ALG9: variants seen among roughly 807,000 people sequenced by gnomAD.
ALG9 encodes ALG9 alpha-1,2-mannosyltransferase, also known as alpha-1,2-mannosyltransferase ALG9.
ALG9 carries 55 observed loss-of-function variants against 81.8 expected under a neutral mutation model. The ratio of observed to expected loss-of-function variants is 0.67; its 90% CI spans 0.54 to 0.84. The LOEUF is 0.84. Ranked by LOEUF, ALG9 falls within the 40% of genes least tolerant of loss-of-function variation. The pLI, the probability that ALG9 is intolerant of heterozygous loss-of-function variation, is 0.00. For missense variants in ALG9, 629 were observed against 745.0 expected (o/e 0.84, Z 1.81); for synonymous variants, 278 against 274.3 (o/e 1.01, Z -0.13).
chr11:111,787,775 A>G lies in ALG9; in HGVS notation c.1734-1255T>C, dbSNP rs573687999. Among the ~76,000 whole-genome samples, 5 of 152,240 alleles carry G rather than the reference A, an allele frequency of 3.3e-5. No homozygotes were observed. In the East Asian group the frequency reaches 9.7e-4, roughly 29 times the overall value. On this transcript the variant is annotated intron_variant, in intron 14 of 14. Transcript: ENST00000616540. ...ACCTGGCAAAAAATAAATTAAAAAAATAAAAAATAAAAATAAATATATGAT... is the reference window on the plus strand; with the variant it reads ...ACCTGGCAAAAAATAAATTAAAAAAGTAAAAAATAAAAATAAATATATGAT...
At position 111,853,363 on chromosome 11, in the gene ALG9, A is replaced by C. The variant is rs782214009; in HGVS notation, c.895+17T>G. 1 of 1,603,996 alleles carries C rather than the reference A, an allele frequency of 6.2e-7. No individual in the cohort carries two copies. Among genetic ancestry groups the C allele is most frequent in the Non-Finnish European group, 8.5e-7 (1 of 1,171,050 alleles). ...AAGCTATCTCCTAACACTTGCCCAA[A>C]TTTCACAAAGCCTTACCATAAAGAT... On this transcript the variant is annotated intron_variant, in intron 8 of 14. Transcript: ENST00000616540.
chr11:111,795,540 T>TCC (rs1268902037), intron 14 of ALG9, among the ~76,000 whole-genome samples: 11 of 152,266 alleles, frequency 7.2e-5, no homozygotes, highest in Admixed American at 2.0e-4. Context: ...ATCAGCATTA[T>TCC]CCATGTGACC....
the ALG9 span, among the ~76,000 whole-genome samples, chr11:111,772,946 T>C: frequency 6.6e-6 from 1 of 151,996 alleles, no homozygotes. Flanking sequence ...TGTTAGAAGT[T>C]GTGTTATTTA....
At chr11:111,849,701 T>A (rs1331734915) in intron 8 of ALG9, 1 of 151,826 alleles carries the variant, frequency 6.6e-6, no homozygotes. Context: ...ATCGTTCAGC[T>A]CCCATTTATA....
chr11:111,780,269 T>C (rs1291648699), downstream of ALG9, among the ~76,000 whole-genome samples: 2 of 152,192 alleles, frequency 1.3e-5, no homozygotes, highest in Non-Finnish European at 2.9e-5. Context: ...GCTACCCTTC[T>C]AAAATGCTTT....
Position 111,871,536 on chromosome 11 carries a change from G to C in ALG9, c.-54C>G, listed in dbSNP as rs1306581923. ...ACCCTATGAAGTCGGTGAGCGCGCA[G>C]ACATAGCTTTGGCTGGCAAACGGTG... is the stretch of plus-strand genomic sequence containing the variant. On this transcript the variant is annotated 5_prime_UTR_variant, in exon 1 of 15. Transcript: ENST00000616540. 2 of 1,534,582 alleles carry C rather than the reference G, an allele frequency of 1.3e-6. No individual in the cohort carries two copies. Among genetic ancestry groups the C allele is most frequent in the Non-Finnish European group, 8.7e-7 (1 of 1,145,958 alleles).
chr11:111,805,428 T>C (rs1949777444), intron 14 of ALG9: 1 of 435,008 alleles, frequency 2.3e-6, no homozygotes, highest in Non-Finnish European at 4.6e-6. Flanking sequence ...TGTCCTTCAG[T>C]AGGTGAATAA....
intron 13 of ALG9, among the ~76,000 whole-genome samples, chr11:111,819,347 G>A (rs1245705144): frequency 6.6e-6 from 1 of 152,172 alleles, no homozygotes; most frequent in Non-Finnish European, 1.5e-5. Flanking sequence ...AGAGATCTCT[G>A]GCAAGGGCCA....
downstream of ALG9, among the ~76,000 whole-genome samples, chr11:111,778,657 A>G (rs540282327): frequency 6.6e-5 from 10 of 152,056 alleles, no homozygotes; most frequent in Non-Finnish European, 1.2e-4. Flanking sequence ...TTAGTCTCTC[A>G]GTCTTTATCC....
At position 111,838,355 on chromosome 11, in the gene ALG9, T is replaced by C. The variant is rs1048321007; in HGVS notation, c.1218A>G (p.Gln406=). 22 of 1,613,616 alleles carry C rather than the reference T, an allele frequency of 1.4e-5. No homozygotes were observed. Among genetic ancestry groups the C allele is most frequent in the African/African-American group, 8.0e-5 (6 of 74,926 alleles). ...CAGTATAGTGCTCCAGGCGATATCG[T>C]TGAAACACAAAGTGGTAACATTTCT... The part of the protein sequence containing the change: ...YFQKCYHFVF[Q]RYRLEHYTVT... The change falls in exon 11 of 15, where the codon CAA becomes CAG. Residue 406 remains glutamine (Q), a synonymous_variant. Coordinates refer to ENST00000616540, the MANE Select transcript of ALG9 (RefSeq NM_024740.2).
chr11:111,838,303 T>G lies in ALG9; in HGVS notation c.1270A>C (p.Thr424Pro). 6.2e-7 allele frequency: 1 copy of G among 1,614,152 alleles called. No individual in the cohort carries two copies. The highest frequency in any genetic ancestry group is 8.5e-7 in the Non-Finnish European group (1 of 1,180,002). ...TVTSNWLALGTVFLFGLLSFS... is the reference protein window; with the variant it reads ...TVTSNWLALGPVFLFGLLSFS... Reference sequence around the variant, plus strand: ...GACAAGAGCCCAAACAGGAAGACAGTTCCTAATGCCAGCCAATTCGATGTC... The same window carrying G: ...GACAAGAGCCCAAACAGGAAGACAGGTCCTAATGCCAGCCAATTCGATGTC... Residue 424 changes from threonine (T) to proline (P), a missense_variant, in exon 11 of 15, where the codon ACT (threonine) becomes CCT (proline). Around this residue, in one of 3 missense-constraint regions of ALG9, gnomAD observed 264 missense variants for 302.2 expected, o/e 0.87. Coordinates refer to ENST00000616540, the MANE Select transcript of ALG9 (RefSeq NM_024740.2).
At chr11:111,842,476 T>C (rs772430230) in intron 9 of ALG9, among the ~76,000 whole-genome samples, 1 of 152,006 alleles carries the variant, frequency 6.6e-6, no homozygotes, top group Non-Finnish European at 1.5e-5. Flanking sequence ...GGCTGGAGCA[T>C]AGTGGCACAA....
chr11:111,870,908 A>G (rs1964110873), intron 1 of ALG9: 38 of 998,800 alleles, frequency 3.8e-5, no homozygotes, highest in South Asian at 4.6e-5. Flanking sequence ...CTCCAATTCC[A>G]TATGTTGACA....
chr11:111,855,155 C>A (rs782178168), intron 6 of ALG9, among the ~76,000 whole-genome samples: 1 of 152,142 alleles, frequency 6.6e-6, no homozygotes, highest in East Asian at 1.9e-4. Context: ...AAGGATCTGA[C>A]GGTATATATT....
At chr11:111,777,730 G>A (rs1202875038), downstream of ALG9, among the ~76,000 whole-genome samples, 2 of 152,110 alleles carry the variant, frequency 1.3e-5, no homozygotes, top group African/African-American at 2.4e-5. Context: ...TGAAAAAACA[G>A]CCTTCTTTTC....
rs553415157 is a variant in ALG9 at position 111,863,703 on chromosome 11, T to C, written c.476+1478A>G. 1.1e-3 allele frequency among the ~76,000 whole-genome samples: 164 copies of C among 152,338 alleles called. 1 individual carries two copies. Among genetic ancestry groups the C allele is most frequent in the Admixed American group, 1.8e-3 (28 of 15,296 alleles). ...ATTACCGGGACACTTAAATGCTTAA[T>C]AGTCCCAACTAATATTCAATCAACT... On this transcript the variant is annotated intron_variant, in intron 4 of 14. Coordinates refer to ENST00000616540, the MANE Select transcript of ALG9 (RefSeq NM_024740.2).
intron 13 of ALG9, among the ~76,000 whole-genome samples, chr11:111,825,206 CAA>C (rs1953027882): frequency 1.3e-5 from 2 of 152,124 alleles, no homozygotes; most frequent in South Asian, 2.1e-4. Flanking sequence ...CTCTTTAGCT[CAA>C]AAAGACTAAA....
chr11:111,865,120 ATAATC>A (rs1961897467), intron 4 of ALG9, 56 bp downstream of exon 4: 5 of 1,317,786 alleles, frequency 3.8e-6, no homozygotes, highest in Non-Finnish European at 5.2e-6. Context: ...ATCACAACAG[ATAATC>A]TATGCAATAA....
intron 3 of ALG9, among the ~76,000 whole-genome samples, chr11:111,866,190 G>A (rs1009895509): frequency 1.3e-5 from 2 of 152,124 alleles, no homozygotes; most frequent in African/African-American, 4.8e-5. Context: ...CCAGCTACTC[G>A]GGAGGCTGAG....
Sources: allele counts gnomAD v4.1 joint callset (sites outside exome capture counted in the v4.1 genomes callset), GRCh38; gene constraint gnomAD v4.1.1; regional missense constraint gnomAD v4.1.1; transcripts MANE v1.5; gene names NCBI Gene and HGNC (gene_info 2026-07-23, HGNC 2026-07-21).